The following CRIM1 variants were observed in gnomAD, a reference collection of about 807,000 sequenced individuals.
CRIM1 encodes cysteine-rich motor neuron 1 protein.
In CRIM1, 32 loss-of-function variants were observed where a neutral mutation model predicts 116.4. The ratio of observed to expected loss-of-function variants is 0.27; its 90% CI spans 0.21 to 0.37. The LOEUF (loss-of-function observed/expected upper bound fraction) is 0.37, where lower values mean the gene tolerates loss of function less well. CRIM1 is among the 10% of genes least tolerant of loss of function. The pLI is 1.00. For missense variants in CRIM1, 1,331 were observed against 1,354.8 expected (o/e 0.98, Z 0.28); for synonymous variants, 590 against 509.2 (o/e 1.16, Z -2.13).
chr2:36,370,057 TTG>T (rs1260201097), intron 1 of CRIM1, among the ~76,000 whole-genome samples: 2 of 152,222 alleles, frequency 1.3e-5, no homozygotes, highest in Non-Finnish European at 2.9e-5. Context: ...AGGTCGCACA[TTG>T]TTTTACTTAC....
chr2:36,365,666 T>G (rs1350605882), intron 1 of CRIM1, among the ~76,000 whole-genome samples: 1 of 152,156 alleles, frequency 6.6e-6, no homozygotes, highest in African/African-American at 2.4e-5. Context: ...TATCTAATGT[T>G]ACTAGCTGTT....
intron 16 of CRIM1, 110 bp downstream of exon 16, chr2:36,547,281 T>G (rs757775292): frequency 6.0e-6 from 5 of 828,466 alleles, no homozygotes; most frequent in Non-Finnish European, 1.0e-5. Context: ...TTTACTTTGC[T>G]CTTCATAGCC....
At chr2:36,366,890 T>C (rs572044769) in intron 1 of CRIM1, among the ~76,000 whole-genome samples, 1 of 152,334 alleles carries the variant, frequency 6.6e-6, no homozygotes, top group African/African-American at 2.4e-5. Flanking sequence ...CTTTATGAAG[T>C]AGTTGGACCA....
intron 1 of CRIM1, 82 bp from the exon 2 acceptor site, chr2:36,396,532 C>A: frequency 2.5e-6 from 2 of 808,036 alleles, no homozygotes; most frequent in African/African-American, 1.7e-5. Flanking sequence ...TTAATCTTGA[C>A]ATCCCAGTGC....
chr2:36,404,663 C>G (rs1449711972), intron 2 of CRIM1, among the ~76,000 whole-genome samples: 3 of 152,230 alleles, frequency 2.0e-5, no homozygotes, highest in African/African-American at 7.2e-5. Flanking sequence ...AATTGCAACA[C>G]ATTTTCAATA....
At position 36,499,364 on chromosome 2, in the gene CRIM1, CTG is replaced by C. The variant is rs763233561; in HGVS notation, c.1501+19_1501+20del. ...GCATAAACAGTGAGTAGACAGAAGACTGTATGTTTTTTCTGAGGCCTAATATG... is the reference window on the plus strand; with the variant it reads ...GCATAAACAGTGAGTAGACAGAAGACTATGTTTTTTCTGAGGCCTAATATG... On this transcript the variant is annotated intron_variant, in intron 8 of 16. Coordinates refer to ENST00000280527, the MANE Select transcript of CRIM1 (RefSeq NM_016441.3). The C allele has an allele frequency of 6.2e-6, 10 of 1,611,984 alleles. No individual in the cohort carries two copies. Among genetic ancestry groups the C allele is most frequent in the Admixed American group, 1.7e-5 (1 of 59,652 alleles).
intron 12 of CRIM1, among the ~76,000 whole-genome samples, chr2:36,519,406 C>T (rs2125125239): frequency 6.6e-6 from 1 of 152,240 alleles, no homozygotes; most frequent in South Asian, 2.1e-4. Flanking sequence ...TAACTTAGGC[C>T]TGGATTTTTT....
chr2:36,433,159 A>C (rs1675027096), intron 2 of CRIM1, among the ~76,000 whole-genome samples: 1 of 152,168 alleles, frequency 6.6e-6, no homozygotes. Context: ...TTTACTGTGC[A>C]TCTTGCTAAA....
At chr2:36,388,165 A>G (rs1158561015) in intron 1 of CRIM1, among the ~76,000 whole-genome samples, 1 of 152,166 alleles carries the variant, frequency 6.6e-6, no homozygotes, top group African/African-American at 2.4e-5. Flanking sequence ...TTGTGTAATG[A>G]CAGAGTGCTT....
intron 1 of CRIM1, among the ~76,000 whole-genome samples, chr2:36,360,671 G>A (rs531228163): frequency 5.3e-5 from 8 of 152,178 alleles, no homozygotes; most frequent in Admixed American, 2.0e-4. Flanking sequence ...AAATGTATGC[G>A]GGATCTGCTC....
Position 36,510,219 on chromosome 2 carries a change from G to C in CRIM1, c.1658+80G>C, listed in dbSNP as rs573849913. 53 of 1,376,470 alleles carry C rather than the reference G, an allele frequency of 3.9e-5. 1 individual carries two copies. In the South Asian group the frequency reaches 5.9e-4, roughly 15 times the overall value. The allele number at this position is 1,376,470 out of a possible 1,614,324, so 85.3% of individuals were successfully genotyped here. A position where few individuals can be genotyped will look rare whatever the true frequency, so the allele number is the denominator to read the frequency against. On this transcript the variant is annotated intron_variant, in intron 9 of 16. Transcript: ENST00000280527. Reference sequence around the variant, plus strand: ...TTCTACACATTTTGTTTTATATGTTGTTTGTGAATTAATCTATGGTATATT... The same window carrying C: ...TTCTACACATTTTGTTTTATATGTTCTTTGTGAATTAATCTATGGTATATT...
chr2:36,399,469 CT>C (rs1273195738), intron 2 of CRIM1, among the ~76,000 whole-genome samples: 1 of 152,166 alleles, frequency 6.6e-6, no homozygotes, highest in African/African-American at 2.4e-5. Context: ...CCTACGGTAT[CT>C]GCTAGCAGGA....
chr2:36,427,078 A>G (rs1674511903), intron 2 of CRIM1, among the ~76,000 whole-genome samples: 1 of 151,938 alleles, frequency 6.6e-6, no homozygotes, highest in Admixed American at 6.6e-5. Flanking sequence ...GTGTGCGCCT[A>G]TAATCCCAAC....
chr2:36,465,269 T>C (rs1433072938), intron 5 of CRIM1, among the ~76,000 whole-genome samples: 1 of 152,182 alleles, frequency 6.6e-6, no homozygotes, highest in Non-Finnish European at 1.5e-5. Flanking sequence ...TCCCTTTCAC[T>C]TTATATGGGA....
At chr2:36,427,264 G>C (rs549771099) in intron 2 of CRIM1, among the ~76,000 whole-genome samples, 1 of 152,146 alleles carries the variant, frequency 6.6e-6, no homozygotes, top group Admixed American at 6.5e-5. Flanking sequence ...GAGAAGGCTG[G>C]CTTCATCCTC....
At chr2:36,448,837 G>A (rs1676460255) in intron 4 of CRIM1, among the ~76,000 whole-genome samples, 1 of 152,096 alleles carries the variant, frequency 6.6e-6, no homozygotes, top group Non-Finnish European at 1.5e-5. Context: ...ACTTAAAATA[G>A]AGTTTCTTCT....
intron 1 of CRIM1, among the ~76,000 whole-genome samples, chr2:36,384,681 C>T (rs1671046557): frequency 6.6e-6 from 1 of 152,118 alleles, no homozygotes; most frequent in Non-Finnish European, 1.5e-5. Context: ...AGGCAAGAGT[C>T]CTGCTTTCCA....
At chr2:36,495,475 AT>A (rs1024205619) in intron 7 of CRIM1, among the ~76,000 whole-genome samples, 2,324 of 129,612 alleles carry the variant, frequency 0.018, 38 homozygotes, top group African/African-American at 0.044. Flanking sequence ...TTATTTATTT[AT>A]TTTTTTTTTT....
At chr2:36,399,375 A>G (rs1333693032) in intron 2 of CRIM1, among the ~76,000 whole-genome samples, 2 of 152,202 alleles carry the variant, frequency 1.3e-5, no homozygotes, top group African/African-American at 2.4e-5. Context: ...AGCTGTTTAG[A>G]TGTGTTACCA....
Sources: gnomAD v4.1 joint callset for allele counts (sites outside exome capture counted in the v4.1 genomes callset) on GRCh38, gnomAD v4.1.1 for gene constraint, MANE v1.5 for transcripts, NCBI Gene and HGNC (gene_info 2026-07-23, HGNC 2026-07-21) for gene names.